Variants in MCPH1 observed in about 807,000 individuals in gnomAD.
MCPH1 encodes microcephalin 1, also known as microcephalin.
In MCPH1, 104 loss-of-function variants were observed where a neutral mutation model predicts 84.5. The observed-to-expected ratio is 1.23, with a 90% CI of 1.05 to 1.45. The LOEUF is 1.45. Ranked by LOEUF, MCPH1 falls within the 40% of genes most tolerant of loss-of-function variation. The pLI is 0.00. For missense variants in MCPH1, 1,498 were observed against 1,005.7 expected (o/e 1.49, Z -6.62); for synonymous variants, 514 against 366.8 (o/e 1.40, Z -4.58).
intron 3 of MCPH1, among the ~76,000 whole-genome samples, chr8:6,416,651 G>T (rs1298030421): frequency 6.6e-6 from 1 of 152,140 alleles, no homozygotes; most frequent in African/African-American, 2.4e-5. Flanking sequence ...GCAGTCCTAG[G>T]ATAAATCCTA....
intron 12 of MCPH1, among the ~76,000 whole-genome samples, chr8:6,574,407 C>G (rs1000626331): frequency 6.6e-6 from 1 of 152,190 alleles, no homozygotes. Context: ...CCACCCCACT[C>G]CAGGAGGACC....
chr8:6,524,577 C>G (rs779346910), intron 12 of MCPH1, among the ~76,000 whole-genome samples: 3 of 152,182 alleles, frequency 2.0e-5, no homozygotes, highest in Non-Finnish European at 2.9e-5. Context: ...TTCCGTTTAA[C>G]AGAGATGTAT....
rs1394284119 is a variant in MCPH1, at chr8:6,533,647, C to T, written c.2214+33718C>T. Among the ~76,000 whole-genome samples the T allele has an allele frequency of 4.9e-5, 7 of 144,262 alleles. No individual in the cohort carries two copies. In the South Asian group the frequency reaches 1.3e-3, roughly 27 times the overall value. 94.6% of individuals were successfully genotyped at this position (144,262 alleles called of 152,430 possible). A position where few individuals can be genotyped will look rare whatever the true frequency, so the allele number is the denominator to read the frequency against. On this transcript the variant is annotated intron_variant, in intron 12 of 13. Coordinates refer to ENST00000344683, the MANE Select transcript of MCPH1 (RefSeq NM_024596.5). The stretch of plus-strand genomic sequence containing the variant: ...CATTCCCTGGTCCAAAGTATAAGCT[C>T]GTGAGTGCACAAACCATGTTTTCTT...
At chr8:6,427,416 G>T (rs1419246579) in intron 3 of MCPH1, among the ~76,000 whole-genome samples, 2 of 152,184 alleles carry the variant, frequency 1.3e-5, no homozygotes, top group Non-Finnish European at 2.9e-5. Context: ...TTGTCTCCCA[G>T]GCTGGAGTGA....
chr8:6,519,109 G>T (rs961311025), intron 12 of MCPH1, among the ~76,000 whole-genome samples: 2 of 152,192 alleles, frequency 1.3e-5, no homozygotes, highest in Non-Finnish European at 2.9e-5. Flanking sequence ...TGCTGGAGAA[G>T]AAAATGAACA....
chr8:6,605,242 C>T (rs1048749839), intron 12 of MCPH1, among the ~76,000 whole-genome samples: 5 of 152,112 alleles, frequency 3.3e-5, no homozygotes, highest in Non-Finnish European at 7.4e-5. Context: ...AGTTGATATC[C>T]AGCTAGAATC....
chr8:6,420,190 C>G (rs1799965760), intron 3 of MCPH1, among the ~76,000 whole-genome samples: 1 of 152,050 alleles, frequency 6.6e-6, no homozygotes, highest in Non-Finnish European at 1.5e-5. Flanking sequence ...TGATGTTTTT[C>G]AGAGCCTGCC....
rs576010337 is a variant in MCPH1 at position 6,569,008 on chromosome 8, G to A, written c.2215-52446G>A. Among the ~76,000 whole-genome samples, 214 of 152,302 alleles carry A rather than the reference G, an allele frequency of 1.4e-3. 1 individual carries two copies. The highest frequency in any genetic ancestry group is 5.0e-3 in the African/African-American group (208 of 41,552). On this transcript the variant is annotated intron_variant, in intron 12 of 13. Transcript: ENST00000344683. ...AGGGGCACACTCGGGACTCTTGGGC[G>A]CCTGGCACACTAAGCTGGGAGGGAC... is the stretch of plus-strand genomic sequence containing the variant.
At chr8:6,436,222 G>T in intron 5 of MCPH1, 60 bp downstream of exon 5, 1 of 1,548,156 alleles carries the variant, frequency 6.5e-7, no homozygotes, top group Non-Finnish European at 8.8e-7. Context: ...TGTTTAATTT[G>T]CATGATGACT....
intron 3 of MCPH1, among the ~76,000 whole-genome samples, chr8:6,425,157 G>A (rs1001839599): frequency 2.0e-5 from 3 of 152,208 alleles, no homozygotes; most frequent in Non-Finnish European, 4.4e-5. Context: ...TCTCTGGGGA[G>A]AATAAGCTCA....
Position 6,445,240 on chromosome 8 carries a change from C to A in MCPH1, c.1518C>A (p.Ala506=). The A allele has an allele frequency of 6.2e-7, 1 of 1,614,198 alleles. No individual in the cohort carries two copies. Among genetic ancestry groups the A allele is most frequent in the Non-Finnish European group, 8.5e-7 (1 of 1,180,030 alleles). Residue 506 remains alanine, a synonymous_variant, in exon 8 of 14, where the codon GCC becomes GCA. Coordinates refer to ENST00000344683, the MANE Select transcript of MCPH1 (RefSeq NM_024596.5). Reference sequence around the variant, plus strand: ...GCGTGACTTCTGCCCCTGAAGAAGCCCTAAGGTGTTGTAGACAGGCTGGGA... The same window carrying A: ...GCGTGACTTCTGCCCCTGAAGAAGCACTAAGGTGTTGTAGACAGGCTGGGA... ...SSCVTSAPEE[A]LRCCRQAGKE... is the part of the protein sequence containing the mutation.
At chr8:6,568,232 C>A (rs955463341) in intron 12 of MCPH1, among the ~76,000 whole-genome samples, 5 of 148,216 alleles carry the variant, frequency 3.4e-5, no homozygotes, top group Non-Finnish European at 5.9e-5. Flanking sequence ...AAGTGGGTGG[C>A]GCGTGGACCC....
intron 11 of MCPH1, among the ~76,000 whole-genome samples, chr8:6,490,809 C>G (rs1056626280): frequency 6.6e-6 from 1 of 152,032 alleles, no homozygotes; most frequent in Admixed American, 6.6e-5. Context: ...AGAGTAACAG[C>G]TTGCCATAGG....
intron 12 of MCPH1, chr8:6,619,281 A>C (rs550779452): frequency 6.6e-6 from 1 of 152,368 alleles, no homozygotes; most frequent in South Asian, 2.1e-4. Context: ...GTATTGCTTC[A>C]ACAATCAAAT....
intron 1 of MCPH1, among the ~76,000 whole-genome samples, chr8:6,407,885 A>T (rs562300040): frequency 6.6e-6 from 1 of 152,288 alleles, no homozygotes; most frequent in East Asian, 1.9e-4. Flanking sequence ...AGTGATTTTA[A>T]AAAAAGGTCA....
chr8:6,449,781 A>C (rs1227555734), intron 8 of MCPH1, among the ~76,000 whole-genome samples: 1 of 152,226 alleles, frequency 6.6e-6, no homozygotes, highest in Admixed American at 6.5e-5. Context: ...CTGACAGCAC[A>C]AGAGAGAATC....
At chr8:6,413,253 C>G (rs1197492159) in intron 2 of MCPH1, among the ~76,000 whole-genome samples, 1 of 59,462 alleles carries the variant, frequency 1.7e-5, no homozygotes, top group South Asian at 9.9e-4. Flanking sequence ...GTTGATAAGA[C>G]TGATTCAGTT....
Position 6,451,700 on chromosome 8 carries a change from G to A in MCPH1, c.1826-3443G>A, listed in dbSNP as rs544948714. Among the ~76,000 whole-genome samples the A allele has an allele frequency of 2.0e-5, 3 of 152,170 alleles. No individual in the cohort carries two copies. In the South Asian group the frequency reaches 6.2e-4, roughly 32 times the overall value. ...ATATACCAAAGGTATCTCTGGAAAG[G>A]AATTTTTCCTAGGTGTCTTTTAAGA... On this transcript the variant is annotated intron_variant, in intron 8 of 13. Coordinates refer to ENST00000344683, the MANE Select transcript of MCPH1 (RefSeq NM_024596.5).
intron 3 of MCPH1, among the ~76,000 whole-genome samples, chr8:6,417,784 G>C (rs924278780): frequency 6.6e-6 from 1 of 152,134 alleles, no homozygotes; most frequent in African/African-American, 2.4e-5. Flanking sequence ...TGATAATTTT[G>C]AGGTTGGTAT....
Sources: gnomAD v4.1 joint callset for allele counts (sites outside exome capture counted in the v4.1 genomes callset) on GRCh38, gnomAD v4.1.1 for gene constraint, MANE v1.5 for transcripts, NCBI Gene and HGNC (gene_info 2026-07-23, HGNC 2026-07-21) for gene names.